CYP39A1: variants seen among roughly 807,000 people sequenced by gnomAD.
The protein encoded by CYP39A1 is 24-hydroxycholesterol 7-alpha-hydroxylase.
CYP39A1 carries 49 observed loss-of-function variants against 58.1 expected under a neutral mutation model. The observed-to-expected ratio is 0.84, with a 90% CI of 0.67 to 1.07. The LOEUF is 1.07. Ranked by LOEUF, CYP39A1 falls within the 50% of genes least tolerant of loss-of-function variation. CYP39A1 has a pLI of 0.00. For missense variants in CYP39A1, 531 were observed against 539.4 expected (o/e 0.98, Z 0.16); for synonymous variants, 209 against 187.6 (o/e 1.11, Z -0.93).
In CYP39A1 at chr6:46,637,840, C is replaced by G. The variant is rs1257065333; in HGVS notation, c.627G>C (p.Glu209Asp). 2 of 1,612,264 alleles carry G rather than the reference C, an allele frequency of 1.2e-6. No homozygotes were observed. Among genetic ancestry groups the G allele is most frequent in the Admixed American group, 3.4e-5 (2 of 59,640 alleles). ...GAAACAACTGTTACCTTAGAAGACA[C>G]TCTGGCAACTGGGACCCATACTCAA... ...EDFEYGSQLP[E>D]CLLRNWSKSK... Residue 209 changes from glutamate (E) to aspartate (D), a missense_variant, in exon 4 of 12, where the codon GAG becomes GAC. Physicochemically the swap from Glu to Asp is conservative, Grantham distance 45. Transcript: ENST00000275016.
At chr6:46,601,236 C>T (rs1182503459) in intron 7 of CYP39A1, among the ~76,000 whole-genome samples, 1 of 152,068 alleles carries the variant, frequency 6.6e-6, no homozygotes, top group South Asian at 2.1e-4. Context: ...ATCCTACTTC[C>T]ATCCACATCA....
At chr6:46,630,272 A>T (rs1329485833) in intron 6 of CYP39A1, among the ~76,000 whole-genome samples, 1 of 152,142 alleles carries the variant, frequency 6.6e-6, no homozygotes, top group African/African-American at 2.4e-5. Context: ...ACACAGAAGG[A>T]GAATGGGTAC....
Position 46,616,587 on chromosome 6 carries a change from T to C in CYP39A1, c.931+8831A>G, listed in dbSNP as rs150694466. Among the ~76,000 whole-genome samples, 9 of 152,256 alleles carry C rather than the reference T, an allele frequency of 5.9e-5. No individual in the cohort carries two copies. In the East Asian group the frequency reaches 1.7e-3, roughly 30 times the overall value. ...AGAGTTTACTTATGTATTACATTTA[T>C]TGTTAATTGTCTGTATCCTCTACAA... On this transcript the variant is annotated intron_variant, in intron 7 of 11. Transcript: ENST00000275016.
At chr6:46,551,391 T>C (rs1356587623) in intron 11 of CYP39A1, among the ~76,000 whole-genome samples, 2 of 145,992 alleles carry the variant, frequency 1.4e-5, no homozygotes, top group Non-Finnish European at 3.0e-5. Flanking sequence ...AAAACAACCA[T>C]ACAAAGAAAT....
At chr6:46,596,152 G>A (rs1210047608) in intron 7 of CYP39A1, 32 bp from the exon 8 acceptor site, 4 of 1,543,680 alleles carry the variant, frequency 2.6e-6, no homozygotes, top group East Asian at 2.3e-5. Context: ...GAAATAAATA[G>A]ACTACAGAGG....
At chr6:46,616,849 G>A (rs577080713) in intron 7 of CYP39A1, among the ~76,000 whole-genome samples, 8 of 152,234 alleles carry the variant, frequency 5.3e-5, no homozygotes, top group African/African-American at 1.9e-4. Context: ...TTCATTCTGA[G>A]TGAGATGTGA....
chr6:46,558,994 CAAAAA>C (rs35310827), intron 10 of CYP39A1, among the ~76,000 whole-genome samples: 1 of 49,104 alleles, frequency 2.0e-5, no homozygotes, highest in Non-Finnish European at 4.5e-5. Context: ...GACTCCATCT[CAAAAA>C]AAAAAAAAAA....
chr6:46,586,264 C>T (rs1172427893), intron 10 of CYP39A1: 6 of 983,032 alleles, frequency 6.1e-6, no homozygotes, highest in Non-Finnish European at 7.2e-6. Context: ...CTTCAAGAAA[C>T]TACAATTTTT....
At chr6:46,601,290 T>C (rs927339154) in intron 7 of CYP39A1, among the ~76,000 whole-genome samples, 42 of 152,194 alleles carry the variant, frequency 2.8e-4, no homozygotes, top group Admixed American at 1.1e-3. Flanking sequence ...CGTGAATATT[T>C]CTCACCTGGT....
intron 10 of CYP39A1, among the ~76,000 whole-genome samples, chr6:46,579,383 T>C (rs563915247): frequency 6.6e-6 from 1 of 151,926 alleles, no homozygotes; most frequent in East Asian, 1.9e-4. Context: ...CCATCTACAA[T>C]AAACTCATAA....
Position 46,637,952 on chromosome 6 carries a change from T to C in CYP39A1, c.515A>G (p.Asn172Ser), listed in dbSNP as rs768946217. 2 of 1,612,336 alleles carry C rather than the reference T, an allele frequency of 1.2e-6. No individual in the cohort carries two copies. The highest frequency in any genetic ancestry group is 1.1e-5 in the South Asian group (1 of 90,628). The change falls in exon 4 of 12, where the codon AAT becomes AGT. Residue 172 changes from asparagine (N) to serine (S), a missense_variant. Physicochemically the swap from Asn to Ser is conservative, Grantham distance 46. Transcript: ENST00000275016. ...AAACAAACTTTTATTAAAGAGCATA[T>C]TCACTGTGACTGGATAAAGGAGATG... The part of the protein sequence containing the change: ...VRHLLYPVTV[N>S]MLFNKSLFST...
At chr6:46,585,463 G>C (rs1011811182) in intron 10 of CYP39A1, among the ~76,000 whole-genome samples, 1 of 152,032 alleles carries the variant, frequency 6.6e-6, no homozygotes, top group Non-Finnish European at 1.5e-5. Flanking sequence ...TTTGGTATGT[G>C]ACAAAAACAA....
At chr6:46,595,905 G>A in intron 8 of CYP39A1, 82 bp downstream of exon 8, 3 of 1,310,176 alleles carry the variant, frequency 2.3e-6, no homozygotes, top group Non-Finnish European at 3.2e-6. Flanking sequence ...ATCAAGATAT[G>A]TCAACCTGAA....
intron 7 of CYP39A1, among the ~76,000 whole-genome samples, chr6:46,621,421 T>C (rs979136839): frequency 6.6e-6 from 1 of 152,102 alleles, no homozygotes; most frequent in East Asian, 1.9e-4. Flanking sequence ...TTGACAAATA[T>C]GTAGCTACAA....
intron 5 of CYP39A1, among the ~76,000 whole-genome samples, chr6:46,635,639 C>G (rs745442631): frequency 1.4e-4 from 22 of 152,206 alleles, no homozygotes; most frequent in Admixed American, 2.6e-4. Flanking sequence ...GCAGCTTTCA[C>G]TTCCCCAGGC....
At chr6:46,587,518 C>T (rs1305796622) in intron 9 of CYP39A1, among the ~76,000 whole-genome samples, 3 of 152,114 alleles carry the variant, frequency 2.0e-5, no homozygotes, top group Non-Finnish European at 2.9e-5. Context: ...GACATCCCTG[C>T]CTGTTAGAAA....
intron 2 of CYP39A1, among the ~76,000 whole-genome samples, chr6:46,641,842 G>A (rs1776355371): frequency 1.3e-5 from 2 of 152,216 alleles, no homozygotes; most frequent in Admixed American, 6.5e-5. Context: ...TGTATACACA[G>A]CAGTGGAACA....
chr6:46,642,818 TC>T (rs1776428312), intron 1 of CYP39A1, among the ~76,000 whole-genome samples: 1 of 152,192 alleles, frequency 6.6e-6, no homozygotes, highest in East Asian at 1.9e-4. Flanking sequence ...ACCTCTCCAT[TC>T]TGACATAGTG....
intron 10 of CYP39A1, among the ~76,000 whole-genome samples, chr6:46,558,197 G>A (rs895074914): frequency 6.6e-6 from 1 of 152,020 alleles, no homozygotes; most frequent in Non-Finnish European, 1.5e-5. Flanking sequence ...AGCTAATACT[G>A]TTTGTATTCA....
Sources: allele counts gnomAD v4.1 joint callset (sites outside exome capture counted in the v4.1 genomes callset), GRCh38; gene constraint gnomAD v4.1.1; transcripts MANE v1.5; gene names NCBI Gene and HGNC (gene_info 2026-07-23, HGNC 2026-07-21).